The following MARCHF1 variants were observed in gnomAD, a reference collection of about 807,000 sequenced individuals.
The protein encoded by MARCHF1 is E3 ubiquitin-protein ligase MARCHF1.
In MARCHF1, 40 loss-of-function variants were observed where a neutral mutation model predicts 54.2. The ratio of observed to expected loss-of-function variants is 0.74; its 90% CI spans 0.57 to 0.96. The LOEUF (loss-of-function observed/expected upper bound fraction) is 0.96. Among genes scored for constraint, MARCHF1 ranks in the 40% least tolerant of loss-of-function variants. The pLI, the probability that MARCHF1 is intolerant of heterozygous loss-of-function variation, is 0.00. For missense variants in MARCHF1, 586 were observed against 656.5 expected, an observed-to-expected ratio of 0.89 and a Z score of 1.17; for synonymous variants, 236 against 236.3, an observed-to-expected ratio of 1.00 and a Z score of 0.01.
At chr4:164,345,032 C>T (rs1181833017) in intron 1 of MARCHF1, among the ~76,000 whole-genome samples, 1 of 152,068 alleles carries the variant, frequency 6.6e-6, no homozygotes. Flanking sequence ...TAGGCCAAAA[C>T]GTTACAGCTA....
intron 1 of MARCHF1, among the ~76,000 whole-genome samples, chr4:164,306,622 A>G (rs564989842): frequency 6.6e-6 from 1 of 152,272 alleles, no homozygotes; most frequent in Admixed American, 6.5e-5. Flanking sequence ...TGCTGTAACA[A>G]AATGCGAGAT....
intron 1 of MARCHF1, among the ~76,000 whole-genome samples, chr4:164,245,748 A>G (rs1401116518): frequency 6.8e-6 from 1 of 147,248 alleles, no homozygotes; most frequent in Non-Finnish European, 1.5e-5. Context: ...CAACTTCAGC[A>G]AAGTCTCAGG....
At chr4:163,544,704 TCC>T (rs1465948137) in intron 9 of MARCHF1, among the ~76,000 whole-genome samples, 4 of 100,072 alleles carry the variant, frequency 4.0e-5, no homozygotes, top group African/African-American at 1.3e-4. Flanking sequence ...TTTTCTTACC[TCC>T]TCTCTTTTTT....
At chr4:164,229,232 T>A (rs1485386026) in intron 1 of MARCHF1, among the ~76,000 whole-genome samples, 1 of 152,206 alleles carries the variant, frequency 6.6e-6, no homozygotes. Context: ...GTGTAATTGT[T>A]TTTAACGATG....
At chr4:164,057,734 C>A (rs796192895) in intron 2 of MARCHF1, among the ~76,000 whole-genome samples, 4 of 152,300 alleles carry the variant, frequency 2.6e-5, no homozygotes, top group African/African-American at 7.2e-5. Flanking sequence ...TCTGAACTGT[C>A]AACAGCCCCA....
chr4:164,133,982 CAA>C (rs1206755789), intron 1 of MARCHF1, among the ~76,000 whole-genome samples: 1 of 152,178 alleles, frequency 6.6e-6, no homozygotes, highest in Non-Finnish European at 1.5e-5. Flanking sequence ...GAAAATTTCT[CAA>C]AGTTATTTTA....
chr4:164,136,064 A>G (rs1306124896), intron 1 of MARCHF1, among the ~76,000 whole-genome samples: 1 of 152,020 alleles, frequency 6.6e-6, no homozygotes, highest in Admixed American at 6.5e-5. Flanking sequence ...ATTTTTTTCA[A>G]TGATCAAATT....
chr4:163,567,704 G>C (rs1290153227), intron 8 of MARCHF1, among the ~76,000 whole-genome samples: 1 of 152,148 alleles, frequency 6.6e-6, no homozygotes, highest in East Asian at 1.9e-4. Context: ...ATGATTATGA[G>C]ACCTCACCAG....
chr4:163,679,324 G>C (rs928982362), intron 5 of MARCHF1, among the ~76,000 whole-genome samples: 7 of 152,130 alleles, frequency 4.6e-5, no homozygotes, highest in African/African-American at 1.7e-4. Context: ...TATGTTCTGC[G>C]TCCATTTTTT....
At chr4:163,661,185 G>A (rs1439877657) in intron 5 of MARCHF1, among the ~76,000 whole-genome samples, 2 of 151,904 alleles carry the variant, frequency 1.3e-5, no homozygotes, top group Non-Finnish European at 2.9e-5. Context: ...CGAATATTAA[G>A]TCACCTGCTA....
chr4:164,002,120 T>G (rs1039177908), intron 2 of MARCHF1, among the ~76,000 whole-genome samples: 1 of 151,614 alleles, frequency 6.6e-6, no homozygotes, highest in Non-Finnish European at 1.5e-5. Context: ...CAAAACAACT[T>G]ACACTTTATA....
intron 4 of MARCHF1, among the ~76,000 whole-genome samples, chr4:163,721,956 T>G (rs1745483240): frequency 1.3e-5 from 2 of 152,106 alleles, no homozygotes; most frequent in African/African-American, 4.8e-5. Flanking sequence ...GTCTATCAAT[T>G]TTGTTGATCG....
At chr4:164,007,122 G>A (rs1454504061) in intron 2 of MARCHF1, among the ~76,000 whole-genome samples, 14 of 148,554 alleles carry the variant, frequency 9.4e-5, no homozygotes, top group African/African-American at 1.5e-4. Context: ...CGAGGCAGGC[G>A]GATCACGAGG....
At chr4:164,086,576 AG>A (rs1560897406) in intron 2 of MARCHF1, among the ~76,000 whole-genome samples, 1 of 151,998 alleles carries the variant, frequency 6.6e-6, no homozygotes, top group African/African-American at 2.4e-5. Context: ...TTCCATATTA[AG>A]GACTCAAATG....
chr4:163,719,941 T>G (rs1001535502), intron 4 of MARCHF1, among the ~76,000 whole-genome samples: 30 of 152,190 alleles, frequency 2.0e-4, no homozygotes, highest in East Asian at 3.9e-4. Flanking sequence ...TTTGTCAGAT[T>G]AGTAGATTGC....
At chr4:164,125,650 T>C (rs758622709) in intron 1 of MARCHF1, among the ~76,000 whole-genome samples, 1 of 152,188 alleles carries the variant, frequency 6.6e-6, no homozygotes, top group Non-Finnish European at 1.5e-5. Context: ...TTGGATCTGC[T>C]ATACCAGGGA....
chr4:163,947,054 A>G (rs955204231), intron 3 of MARCHF1, among the ~76,000 whole-genome samples: 2 of 152,174 alleles, frequency 1.3e-5, no homozygotes, highest in Non-Finnish European at 2.9e-5. Flanking sequence ...TTCAGCAAAT[A>G]ATGAAAAATT....
chr4:164,095,212 C>T (rs746173195), intron 2 of MARCHF1, among the ~76,000 whole-genome samples: 5 of 152,032 alleles, frequency 3.3e-5, no homozygotes, highest in Admixed American at 6.6e-5. Context: ...TACTCCAGGG[C>T]CTATTCCTCA....
chr4:164,190,356 G>A, intron 1 of MARCHF1: 2 of 604,118 alleles, frequency 3.3e-6, no homozygotes, highest in Non-Finnish European at 6.0e-6. Context: ...TGCTACTGCT[G>A]TAATATTGTA....
Sources: gnomAD v4.1 joint callset for allele counts (sites outside exome capture counted in the v4.1 genomes callset) on GRCh38, gnomAD v4.1.1 for gene constraint, MANE v1.5 for transcripts, NCBI Gene and HGNC (gene_info 2026-07-23, HGNC 2026-07-21) for gene names.